TRPC7: variants seen among roughly 807,000 people sequenced by gnomAD.
The protein encoded by TRPC7 is short transient receptor potential channel 7.
A neutral mutation model predicts 90.1 loss-of-function variants in TRPC7; 42 were observed. The ratio of observed to expected loss-of-function variants is 0.47; its 90% CI spans 0.36 to 0.60. The LOEUF (loss-of-function observed/expected upper bound fraction) is 0.60. TRPC7 is among the 20% of genes least tolerant of loss of function. The probability of loss-of-function intolerance (pLI) is 0.00; values close to 1 mark genes in which losing one functional copy is unlikely to be tolerated. For synonymous variants in TRPC7, 451 were observed against 436.3 expected (o/e 1.03, Z -0.42); for missense variants, 955 against 1,112.3 (o/e 0.86, Z 2.01).
At chr5:136,275,944 A>G (rs958088443) in intron 3 of TRPC7, among the ~76,000 whole-genome samples, 4 of 152,194 alleles carry the variant, frequency 2.6e-5, no homozygotes. Context: ...TGACCTCTTT[A>G]GGGCCCAGCT....
chr5:136,304,251 C>G (rs990016236), intron 3 of TRPC7, among the ~76,000 whole-genome samples: 2 of 152,026 alleles, frequency 1.3e-5, no homozygotes, highest in Non-Finnish European at 2.9e-5. Context: ...TCATGCACCC[C>G]TTACCATCTC....
chr5:136,277,604 T>C (rs1162024198), intron 3 of TRPC7, among the ~76,000 whole-genome samples: 1 of 152,128 alleles, frequency 6.6e-6, no homozygotes, highest in East Asian at 1.9e-4. Context: ...AAGAAAACTC[T>C]ACCCAAAAGG....
In TRPC7 at chr5:136,357,326, C is replaced by G; in HGVS notation, c.62G>C (p.Gly21Ala). Residue 21 changes from glycine (G) to alanine (A), a missense_variant, in exon 2 of 12, where the codon GGC (glycine) becomes GCC (alanine). Gly to Ala is a moderately conservative substitution (Grantham distance 60). Coordinates refer to ENST00000513104, the MANE Select transcript of TRPC7 (RefSeq NM_020389.3). ...GGGACCCCGGATGGCCTGGCGACGG[C>G]CCTTCTCCCTCAGCGTTGTGTGCCG... The part of the protein sequence containing the change: ...QRRHTTLREK[G>A]RRQAIRGPAY... 1 of 1,606,800 alleles carries G rather than the reference C, an allele frequency of 6.2e-7. No homozygotes were observed. Among genetic ancestry groups the G allele is most frequent in the Non-Finnish European group, 8.5e-7 (1 of 1,179,844 alleles).
intron 2 of TRPC7, among the ~76,000 whole-genome samples, chr5:136,355,351 G>A (rs961085550): frequency 1.3e-5 from 2 of 152,130 alleles, no homozygotes; most frequent in Non-Finnish European, 2.9e-5. Flanking sequence ...AAATGGTTTC[G>A]CTATTTACTA....
At chr5:136,355,664 G>A (rs537513065) in intron 2 of TRPC7, among the ~76,000 whole-genome samples, 1 of 152,180 alleles carries the variant, frequency 6.6e-6, no homozygotes, top group South Asian at 2.1e-4. Context: ...TGGACATGGT[G>A]GTGGGCACCT....
At chr5:136,242,813 G>C (rs1471603586) in intron 7 of TRPC7, among the ~76,000 whole-genome samples, 1 of 152,168 alleles carries the variant, frequency 6.6e-6, no homozygotes, top group Non-Finnish European at 1.5e-5. Flanking sequence ...AAGAGGAAGA[G>C]CCTGGGAAGT....
chr5:136,357,298 G>T lies in TRPC7; in HGVS notation c.90C>A (p.Ala30=). The change falls in exon 2 of 12, where the codon GCC becomes GCA. Residue 30 remains alanine, a synonymous_variant. Transcript: ENST00000513104. The stretch of plus-strand genomic sequence containing the variant: ...TGGTGCCCTTCTCGTTGAACATGTA[G>T]GCGGGACCCCGGATGGCCTGGCGAC... ...KGRRQAIRGP[A]YMFNEKGTSL... The T allele has an allele frequency of 6.2e-7, 1 of 1,611,762 alleles. No homozygotes were observed. The highest frequency in any genetic ancestry group is 8.5e-7 in the Non-Finnish European group (1 of 1,179,878).
intron 2 of TRPC7, 138 bp downstream of exon 2, chr5:136,356,470 C>T (rs1561732280): frequency 1.4e-5 from 12 of 864,502 alleles, no homozygotes; most frequent in South Asian, 2.6e-5. Context: ...GATGTGTTCC[C>T]CTCCTCCCCT....
chr5:136,268,565 T>C (rs926355871), intron 4 of TRPC7, among the ~76,000 whole-genome samples: 6 of 152,188 alleles, frequency 3.9e-5, no homozygotes, highest in Non-Finnish European at 8.8e-5. Context: ...TCCTGGAATT[T>C]GTATGTAGCT....
At chr5:136,340,611 A>G (rs573327273) in intron 2 of TRPC7, among the ~76,000 whole-genome samples, 1 of 152,256 alleles carries the variant, frequency 6.6e-6, no homozygotes, top group East Asian at 1.9e-4. Context: ...AGCCTTTTAA[A>G]GCATGACATG....
intron 5 of TRPC7, among the ~76,000 whole-genome samples, chr5:136,253,133 AGTGATTAAT>A (rs1236575751): frequency 6.6e-6 from 1 of 152,232 alleles, no homozygotes; most frequent in Non-Finnish European, 1.5e-5. Context: ...TACATGTTGC[AGTGATTAAT>A]ATTTTGGATA....
intron 11 of TRPC7, among the ~76,000 whole-genome samples, 166 bp downstream of exon 11, chr5:136,216,034 G>A (rs970844187): frequency 1.3e-5 from 2 of 152,228 alleles, no homozygotes; most frequent in Non-Finnish European, 1.5e-5. Flanking sequence ...CTGCAGCCCC[G>A]TGGAAATGCA....
At chr5:136,239,132 C>T (rs543542910) in intron 7 of TRPC7, among the ~76,000 whole-genome samples, 23 of 152,224 alleles carry the variant, frequency 1.5e-4, no homozygotes, top group African/African-American at 4.6e-4. Flanking sequence ...CTCCCAAACA[C>T]CCTATGCCTA....
intron 10 of TRPC7, among the ~76,000 whole-genome samples, chr5:136,222,788 G>T (rs911135074): frequency 1.3e-5 from 2 of 152,174 alleles, no homozygotes; most frequent in Non-Finnish European, 2.9e-5. Flanking sequence ...AGAGAGGGGG[G>T]GCCCTCTGAG....
At position 136,353,341 on chromosome 5, in the gene TRPC7, C is replaced by T. The variant is rs546563543; in HGVS notation, c.780+3267G>A. Among the ~76,000 whole-genome samples, 3 of 152,248 alleles carry T rather than the reference C, an allele frequency of 2.0e-5. No homozygotes were observed. The South Asian group carries it at 6.2e-4, about 32-fold the overall frequency. ...CTTTTCATGGATGATGCTTCCTAGT[C>T]AGGAAGAGTTTTTCCCTGAATGAGT... On this transcript the variant is annotated intron_variant, in intron 2 of 11. Coordinates refer to ENST00000513104, the MANE Select transcript of TRPC7 (RefSeq NM_020389.3).
At chr5:136,294,121 A>G (rs572106282) in intron 3 of TRPC7, among the ~76,000 whole-genome samples, 1 of 152,310 alleles carries the variant, frequency 6.6e-6, no homozygotes, top group African/African-American at 2.4e-5. Context: ...CCTTCCTTAC[A>G]CCTTATACAA....
intron 2 of TRPC7, among the ~76,000 whole-genome samples, chr5:136,330,988 T>C (rs1489867237): frequency 6.6e-6 from 1 of 152,146 alleles, no homozygotes; most frequent in Non-Finnish European, 1.5e-5. Flanking sequence ...AGAGGGTTTA[T>C]GGAGTCCCCC....
chr5:136,232,607 C>T (rs1291186798), intron 7 of TRPC7, among the ~76,000 whole-genome samples: 3 of 152,202 alleles, frequency 2.0e-5, no homozygotes, highest in African/African-American at 4.8e-5. Context: ...TCAGCTTTAA[C>T]GACACTGCTC....
chr5:136,341,832 C>A (rs1236685814), intron 2 of TRPC7, among the ~76,000 whole-genome samples: 2 of 152,308 alleles, frequency 1.3e-5, no homozygotes, highest in Non-Finnish European at 2.9e-5. Flanking sequence ...AACATGGGAT[C>A]TCAGATTATT....
Sources: gnomAD v4.1 joint callset for allele counts (sites outside exome capture counted in the v4.1 genomes callset) on GRCh38, gnomAD v4.1.1 for gene constraint, MANE v1.5 for transcripts, NCBI Gene and HGNC (gene_info 2026-07-23, HGNC 2026-07-21) for gene names.